C17orf75: variants seen among roughly 807,000 people sequenced by gnomAD.
The protein encoded by C17orf75 is chromosome 17 open reading frame 75, also known as protein Njmu-R1.
C17orf75 carries 32 observed loss-of-function variants against 49.6 expected under a neutral mutation model. The ratio of observed to expected loss-of-function variants is 0.65; its 90% CI spans 0.49 to 0.87. C17orf75 has a LOEUF of 0.87. C17orf75 is among the 40% of genes least tolerant of loss of function. C17orf75 has a pLI of 0.00. For synonymous variants in C17orf75, 158 were observed against 159.5 expected (o/e 0.99, Z 0.07); for missense variants, 428 against 473.9 (o/e 0.90, Z 0.90).
Position 32,330,516 on chromosome 17 carries a change from T to C in C17orf75, c.*1247A>G, listed in dbSNP as rs1250946888. ...TATTAAAGAGCTATCCCGAGCAAATTGCAATTGTATGTATGTAGCTACATA... is the reference window on the plus strand; with the variant it reads ...TATTAAAGAGCTATCCCGAGCAAATCGCAATTGTATGTATGTAGCTACATA... On this transcript the variant is annotated 3_prime_UTR_variant, in exon 10 of 10. Coordinates refer to ENST00000577809, the MANE Select transcript of C17orf75 (RefSeq NM_022344.4). The C allele has an allele frequency of 6.6e-6, 1 of 152,210 alleles. No individual in the cohort carries two copies. The highest frequency in any genetic ancestry group is 6.5e-5 in the Admixed American group (1 of 15,278). 9.4% of individuals were successfully genotyped at this position (152,210 alleles called of 1,614,324 possible). A position where few individuals can be genotyped will look rare whatever the true frequency, so the allele number is the denominator to read the frequency against.
chr17:32,336,372 C>G (rs1240940770), intron 5 of C17orf75, among the ~76,000 whole-genome samples: 1 of 152,084 alleles, frequency 6.6e-6, no homozygotes, highest in African/African-American at 2.4e-5. Context: ...TGCCACCATG[C>G]CTGGCTAATT....
chr17:32,342,312 G>C, upstream of C17orf75: 2 of 1,096,756 alleles, frequency 1.8e-6, no homozygotes, highest in Non-Finnish European at 2.4e-6. Flanking sequence ...CTCCCCACAG[G>C]GGCTGACAGG....
upstream of C17orf75, among the ~76,000 whole-genome samples, chr17:32,342,702 G>C (rs762295344): frequency 6.6e-6 from 1 of 152,186 alleles, no homozygotes; most frequent in Non-Finnish European, 1.5e-5. Flanking sequence ...TTGGGAGACC[G>C]ACGCAGGCGG....
chr17:32,335,813 C>T (rs9904964), intron 5 of C17orf75, among the ~76,000 whole-genome samples: 88,848 of 152,042 alleles, frequency 0.58, 26,817 homozygotes, highest in African/African-American at 0.63. Context: ...TCCCTGGCAC[C>T]TGTGGTACAG....
chr17:32,335,062 A>G (rs764083782), intron 6 of C17orf75, among the ~76,000 whole-genome samples: 4 of 152,250 alleles, frequency 2.6e-5, no homozygotes, highest in Admixed American at 1.3e-4. Context: ...TTTGGAAACT[A>G]TACCTTTCCC....
intron 5 of C17orf75, among the ~76,000 whole-genome samples, chr17:32,336,763 T>G (rs1005101754): frequency 3.3e-5 from 5 of 152,112 alleles, no homozygotes; most frequent in African/African-American, 1.2e-4. Context: ...TGCCATTGAA[T>G]AGATCGAATT....
At chr17:32,336,083 C>T (rs1361117246) in intron 5 of C17orf75, among the ~76,000 whole-genome samples, 2 of 152,204 alleles carry the variant, frequency 1.3e-5, no homozygotes, top group Non-Finnish European at 2.9e-5. Flanking sequence ...CAGTTGCTCA[C>T]TCCTGCACTA....
At chr17:32,332,816 A>T (rs73270699) in intron 9 of C17orf75, among the ~76,000 whole-genome samples, 1,881 of 147,170 alleles carry the variant, frequency 0.013, 31 homozygotes, top group African/African-American at 0.045. Context: ...CCCCATCAGA[A>T]TTTTTTTTTT....
chr17:32,335,745 C>T (rs1490766422), intron 5 of C17orf75, among the ~76,000 whole-genome samples: 2 of 152,198 alleles, frequency 1.3e-5, no homozygotes, highest in African/African-American at 4.8e-5. Context: ...ACTCACAAGT[C>T]CCTCTCCTCC....
At chr17:32,348,627 C>T (rs2041447234) in intron 1 of C17orf75, among the ~76,000 whole-genome samples, 1 of 152,154 alleles carries the variant, frequency 6.6e-6, no homozygotes, top group East Asian at 1.9e-4. Flanking sequence ...GTTTAACTGC[C>T]TTGCCCAAAG....
chr17:32,342,638 T>C (rs932396408), upstream of C17orf75, among the ~76,000 whole-genome samples: 5 of 152,188 alleles, frequency 3.3e-5, no homozygotes, highest in Non-Finnish European at 5.9e-5. Context: ...AAAAAATGAC[T>C]ACGTAAAAAC....
At chr17:32,340,987 A>C in intron 2 of C17orf75, 1 of 572,670 alleles carries the variant, frequency 1.7e-6, no homozygotes, top group Non-Finnish European at 3.1e-6. Flanking sequence ...CTTTTTGGCT[A>C]ATCACCAAGC....
In C17orf75 at chr17:32,331,793, G is replaced by T; in HGVS notation, c.1161C>A (p.Phe387Leu). The T allele has an allele frequency of 6.2e-7, 1 of 1,613,632 alleles. No individual in the cohort carries two copies. Among genetic ancestry groups the T allele is most frequent in the Non-Finnish European group, 8.5e-7 (1 of 1,179,716 alleles). ...AACTTTGGTCAAGAGCTTCTTTCAT[G>T]AATTCTTCAAGGACAGCTATCACAT... is the stretch of plus-strand genomic sequence containing the variant. ...AKNVIAVLEEFMKEALDQSF is the reference protein window; with the variant it reads ...AKNVIAVLEELMKEALDQSF Residue 387 changes from phenylalanine (F) to leucine (L), a missense_variant, in exon 10 of 10, where the codon TTC becomes TTA. Coordinates refer to ENST00000577809, the MANE Select transcript of C17orf75 (RefSeq NM_022344.4).
chr17:32,340,014 C>T (rs2041363767), intron 2 of C17orf75, 76 bp from the exon 3 acceptor site: 7 of 1,547,402 alleles, frequency 4.5e-6, no homozygotes, highest in Non-Finnish European at 6.1e-6. Flanking sequence ...CAGAATGGTA[C>T]CAACGCCAGG....
upstream of C17orf75, among the ~76,000 whole-genome samples, chr17:32,346,287 G>A (rs1001395748): frequency 1.3e-5 from 2 of 152,134 alleles, no homozygotes; most frequent in Non-Finnish European, 2.9e-5. Context: ...AGGCATGGTG[G>A]CATGGCCCTG....
rs1454749309 is a variant in C17orf75 at position 32,331,258 on chromosome 17, C to A, written c.*505G>T. 1 of 152,980 alleles carries A rather than the reference C, an allele frequency of 6.5e-6. No homozygotes were observed. The highest frequency in any genetic ancestry group is 2.4e-5 in the African/African-American group (1 of 41,456). The allele number at this position is 152,980 out of a possible 1,614,324, so 9.5% of individuals were successfully genotyped here. On this transcript the variant is annotated 3_prime_UTR_variant, in exon 10 of 10. Transcript: ENST00000577809. ...TTAAAATCTGACTTTATCATCCATG[C>A]CGTTATCAACTAGACAAAAAAATGT...
rs2041259382 is a variant in C17orf75 at position 32,329,744 on chromosome 17, T to C, written c.*2019A>G. 6.6e-6 allele frequency: 1 copy of C among 152,224 alleles called. No individual in the cohort carries two copies. Among genetic ancestry groups the C allele is most frequent in the African/African-American group, 2.4e-5 (1 of 41,472 alleles). The allele number at this position is 152,224 out of a possible 1,614,324, so 9.4% of individuals were successfully genotyped here. A position where few individuals can be genotyped will look rare whatever the true frequency, so the allele number is the denominator to read the frequency against. On this transcript the variant is annotated 3_prime_UTR_variant, in exon 10 of 10. Coordinates refer to ENST00000577809, the MANE Select transcript of C17orf75 (RefSeq NM_022344.4). ...AAAACGTTGATGTGCTAATGTAGCT[T>C]ACTTTAAAAAATGATTTCCAAGTGG...
At chr17:32,341,888 T>C in intron 1 of C17orf75, 112 bp downstream of exon 1, 1 of 1,095,696 alleles carries the variant, frequency 9.1e-7, no homozygotes, top group Non-Finnish European at 1.1e-6. Context: ...AGAAGATGGC[T>C]TTTAGGAGCG....
chr17:32,330,513 A>C lies in C17orf75; in HGVS notation c.*1250T>G, dbSNP rs2041264747. The C allele has an allele frequency of 6.6e-6, 1 of 152,210 alleles. No homozygotes were observed. Among genetic ancestry groups the C allele is most frequent in the African/African-American group, 2.4e-5 (1 of 41,452 alleles). 9.4% of individuals were successfully genotyped at this position (152,210 alleles called of 1,614,324 possible). On this transcript the variant is annotated 3_prime_UTR_variant, in exon 10 of 10. Transcript: ENST00000577809. ...ATTTATTAAAGAGCTATCCCGAGCAAATTGCAATTGTATGTATGTAGCTAC... is the reference window on the plus strand; with the variant it reads ...ATTTATTAAAGAGCTATCCCGAGCACATTGCAATTGTATGTATGTAGCTAC...
Sources: allele counts gnomAD v4.1 joint callset (sites outside exome capture counted in the v4.1 genomes callset), GRCh38; gene constraint gnomAD v4.1.1; transcripts MANE v1.5; gene names NCBI Gene and HGNC (gene_info 2026-07-23, HGNC 2026-07-21).